The following TTC39B variants were observed in gnomAD, a reference collection of about 807,000 sequenced individuals.
TTC39B encodes tetratricopeptide repeat domain 39B, also known as tetratricopeptide repeat protein 39B.
Under a neutral mutation model 96.6 loss-of-function variants are expected in TTC39B, and 92 were observed. That is an observed-to-expected ratio of 0.95 (90% CI 0.80 to 1.13). The LOEUF (loss-of-function observed/expected upper bound fraction) is 1.13, where lower values mean the gene tolerates loss of function less well. TTC39B is among the 50% of genes most tolerant of loss of function. TTC39B has a pLI of 0.00. For synonymous variants in TTC39B, 367 were observed against 299.4 expected (o/e 1.23, Z -2.33); for missense variants, 955 against 809.3 (o/e 1.18, Z -2.18).
rs550716429 is a variant in TTC39B at position 15,257,501 on chromosome 9, T to G, written c.275+10413A>C. 4.6e-5 allele frequency among the ~76,000 whole-genome samples: 7 copies of G among 152,140 alleles called. No homozygotes were observed. The East Asian group carries it at 1.4e-3, about 29-fold the overall frequency. On this transcript the variant is annotated intron_variant, in intron 2 of 19. Coordinates refer to ENST00000512701, the Ensembl canonical transcript of TTC39B. ...TCTTACTCTATCACCCAGGCTGGAG[T>G]GCAGTGGCACCATCACAGCTCAACA...
intron 7 of TTC39B, 88 bp from the exon 8 acceptor site, chr9:15,200,013 CA>C: frequency 3.2e-6 from 2 of 632,476 alleles, no homozygotes; most frequent in Non-Finnish European, 2.6e-6. Flanking sequence ...ATTAGAAAAA[CA>C]AAAACAAACA....
chr9:15,301,085 A>G (rs908335162), intron 1 of TTC39B, among the ~76,000 whole-genome samples: 1 of 151,962 alleles, frequency 6.6e-6, no homozygotes, highest in Non-Finnish European at 1.5e-5. Flanking sequence ...ACTTCCCCCA[A>G]GGCCTTCCCA....
chr9:15,173,726 C>T (rs1817779834), intron 19 of TTC39B, among the ~76,000 whole-genome samples: 1 of 152,144 alleles, frequency 6.6e-6, no homozygotes, highest in Non-Finnish European at 1.5e-5. Flanking sequence ...TTAAATATTA[C>T]TGTCTCTGTG....
rs150156349 is a variant in TTC39B, at chr9:15,288,322, G to A, written c.240+18762C>T. Among the ~76,000 whole-genome samples, 704 of 152,146 alleles carry A rather than the reference G, an allele frequency of 4.6e-3. 3 individuals carry two copies. The highest frequency in any genetic ancestry group is 0.01 in the Middle Eastern group (3 of 294). ...GTTTTGCACCCAAAAGTTATCTTTC[G>A]GCCCACCACATCCCCTATCCTGTAC... On this transcript the variant is annotated intron_variant, in intron 1 of 19. Coordinates refer to ENST00000512701, the Ensembl canonical transcript of TTC39B.
intron 8 of TTC39B, among the ~76,000 whole-genome samples, chr9:15,196,417 G>A (rs1282442537): frequency 2.6e-5 from 4 of 152,190 alleles, no homozygotes; most frequent in African/African-American, 9.6e-5. Context: ...ATTCATGGAA[G>A]GAAGTCAAAA....
intron 3 of TTC39B, chr9:15,224,231 T>TA (rs1821000348): frequency 6.6e-6 from 1 of 152,482 alleles, no homozygotes; most frequent in Non-Finnish European, 1.5e-5. Flanking sequence ...CCTTATGAGC[T>TA]AAAGGTCTCC....
chr9:15,286,855 T>A (rs1823991830), intron 1 of TTC39B, among the ~76,000 whole-genome samples: 1 of 152,198 alleles, frequency 6.6e-6, no homozygotes, highest in African/African-American at 2.4e-5. Context: ...TGGCCCGTAA[T>A]ACTCCACTGT....
chr9:15,178,670 G>A (rs115663617), intron 17 of TTC39B, among the ~76,000 whole-genome samples: 171 of 152,248 alleles, frequency 1.1e-3, no homozygotes, highest in African/African-American at 3.9e-3. Context: ...TTCTTCAGGT[G>A]GTCACGCTCT....
chr9:15,178,093 T>C (rs182424258), intron 17 of TTC39B, among the ~76,000 whole-genome samples: 1 of 151,842 alleles, frequency 6.6e-6, no homozygotes, highest in African/African-American at 2.4e-5. Context: ...ATGGTCTCGA[T>C]CTCCTGACCT....
At chr9:15,215,301 T>C (rs1462203137) in intron 3 of TTC39B, among the ~76,000 whole-genome samples, 3 of 152,012 alleles carry the variant, frequency 2.0e-5, no homozygotes, top group Admixed American at 6.6e-5. Flanking sequence ...AAAGTGCCTG[T>C]AATCTCAGCA....
intron 3 of TTC39B, among the ~76,000 whole-genome samples, chr9:15,225,372 T>G (rs1432591741): frequency 2.0e-5 from 3 of 152,152 alleles, no homozygotes; most frequent in Non-Finnish European, 4.4e-5. Flanking sequence ...GCTCTGAATT[T>G]TCTACAATGA....
chr9:15,258,924 C>T (rs75311657), intron 2 of TTC39B, among the ~76,000 whole-genome samples: 13,993 of 152,148 alleles, frequency 0.092, 900 homozygotes, highest in African/African-American at 0.19. Flanking sequence ...TATCTTAAAA[C>T]GTGTACTACA....
exon 19 of TTC39B, chr9:15,175,076 G>C (rs1201382366): frequency 1.4e-5 from 22 of 1,613,574 alleles, no homozygotes; most frequent in Non-Finnish European, 1.9e-5. Flanking sequence ...TTTATACAAA[G>C]ATGCCAATTC....
At chr9:15,248,253 T>G (rs1822372691) in intron 2 of TTC39B, among the ~76,000 whole-genome samples, 1 of 152,204 alleles carries the variant, frequency 6.6e-6, no homozygotes, top group Non-Finnish European at 1.5e-5. Context: ...GAACCATTTC[T>G]CACTTACTGA....
intron 18 of TTC39B, among the ~76,000 whole-genome samples, chr9:15,176,822 G>A (rs1817965370): frequency 6.6e-6 from 1 of 152,096 alleles, no homozygotes; most frequent in South Asian, 2.1e-4. Context: ...ATTAAGTAAG[G>A]TTACATATCT....
At chr9:15,176,652 CA>C (rs1210073438) in intron 18 of TTC39B, among the ~76,000 whole-genome samples, 1 of 152,074 alleles carries the variant, frequency 6.6e-6, no homozygotes, top group East Asian at 1.9e-4. Context: ...ATCCAGATTC[CA>C]GGCTTCTCGT....
chr9:15,190,655 C>T (rs1246357914), exon 11 of TTC39B: 4 of 1,612,860 alleles, frequency 2.5e-6, no homozygotes, highest in Non-Finnish European at 3.4e-6. Flanking sequence ...CTGCAGGAGG[C>T]CCAACTCCTA....
exon 20 of TTC39B, chr9:15,168,281 AG>A (rs1817564376): frequency 6.6e-6 from 1 of 152,254 alleles, no homozygotes; most frequent in Non-Finnish European, 1.5e-5. Context: ...CATGAGGGCA[AG>A]GTAATTTTCT....
chr9:15,165,004 T>C (rs1817492167), exon 20 of TTC39B: 1 of 152,178 alleles, frequency 6.6e-6, no homozygotes, highest in Non-Finnish European at 1.5e-5. Context: ...CTATAGAACA[T>C]AACTGTCTAC....
Sources: allele counts gnomAD v4.1 joint callset (sites outside exome capture counted in the v4.1 genomes callset), GRCh38; gene constraint gnomAD v4.1.1; transcripts MANE v1.5; gene names NCBI Gene and HGNC (gene_info 2026-07-23, HGNC 2026-07-21).